Variants in CHRNA7 observed in about 807,000 individuals in gnomAD.
The protein encoded by CHRNA7 is cholinergic receptor nicotinic alpha 7 subunit.
CHRNA7 carries 17 observed loss-of-function variants against 48.0 expected under a neutral mutation model. The observed-to-expected ratio is 0.35, with a 90% confidence interval of 0.24 to 0.53. The LOEUF is 0.53. CHRNA7 is among the 20% of genes least tolerant of loss of function. CHRNA7 has a pLI of 0.92. For synonymous variants in CHRNA7, 75 were observed against 242.3 expected, an observed-to-expected ratio of 0.31 and a Z score of 6.41; for missense variants, 155 against 577.7, an observed-to-expected ratio of 0.27 and a Z score of 7.50.
Position 32,147,351 on chromosome 15 carries a change from A to G in CHRNA7, c.351-6556A>G, listed in dbSNP as rs2051510682. Among the ~76,000 whole-genome samples the G allele has an allele frequency of 1.3e-5, 2 of 152,202 alleles. 1 individual carries two copies. The highest frequency in any genetic ancestry group is 4.1e-4 in the South Asian group (2 of 4,836). On this transcript the variant is annotated intron_variant, in intron 4 of 9. Transcript: ENST00000306901. The stretch of plus-strand genomic sequence containing the variant: ...ACCCTAAACTTCTGCATCGCATGCG[A>G]TATACCCATGTGACAAACATGCACA...
chr15:32,103,864 C>T (rs555896325), intron 3 of CHRNA7, among the ~76,000 whole-genome samples: 2 of 152,316 alleles, frequency 1.3e-5, no homozygotes, highest in South Asian at 4.1e-4. Context: ...ACTCTTGTCT[C>T]GCACACCTCA....
At chr15:32,046,510 G>A (rs2049550072) in intron 2 of CHRNA7, among the ~76,000 whole-genome samples, 1 of 136,734 alleles carries the variant, frequency 7.3e-6, no homozygotes, top group South Asian at 2.3e-4. Context: ...ACTTTTTGAT[G>A]GGGTTGTTTG....
chr15:32,043,950 G>A (rs886852942), intron 2 of CHRNA7, among the ~76,000 whole-genome samples: 4 of 152,014 alleles, frequency 2.6e-5, no homozygotes, highest in South Asian at 4.1e-4. Flanking sequence ...TTGTGTTGCC[G>A]GTTAGTTACA....
At chr15:32,097,385 T>A (rs905186640) in intron 2 of CHRNA7, among the ~76,000 whole-genome samples, 14 of 152,104 alleles carry the variant, frequency 9.2e-5, no homozygotes, top group African/African-American at 3.4e-4. Flanking sequence ...AGGAGGTGAT[T>A]AGTCCATGAC....
In CHRNA7 at chr15:32,051,778, A is replaced by G. The variant is rs574083863; in HGVS notation, c.195+20741A>G. Among the ~76,000 whole-genome samples the G allele has an allele frequency of 2.3e-3, 355 of 152,110 alleles. 3 individuals carry two copies. In the Middle Eastern group the frequency reaches 0.024, roughly 10 times the overall value. ...GGAGCTGTAGACCGGAGCTGTTCCT[A>G]TTTGGCCATCTTGGCTCCTCCCCAA... On this transcript the variant is annotated intron_variant, in intron 2 of 9. Coordinates refer to ENST00000306901, the MANE Select transcript of CHRNA7 (RefSeq NM_000746.6).
chr15:32,139,994 A>G (rs993494565), intron 4 of CHRNA7, among the ~76,000 whole-genome samples: 1 of 152,106 alleles, frequency 6.6e-6, no homozygotes, highest in African/African-American at 2.4e-5. Context: ...CATTAGGTGT[A>G]CATGTGCCAT....
intron 2 of CHRNA7, among the ~76,000 whole-genome samples, chr15:32,041,737 T>G (rs968645517): frequency 1.3e-5 from 2 of 152,276 alleles, no homozygotes; most frequent in Non-Finnish European, 2.9e-5. Flanking sequence ...AAATTTCGAT[T>G]GATATTCCTC....
In CHRNA7 at chr15:32,114,903, G is replaced by A. The variant is rs533347578; in HGVS notation, c.350+3004G>A. ...GCTGAGGGGTACACTTCCACAGCGG[G>A]GCAGGTCTGGGCTGAGCTGGTGGGG... On this transcript the variant is annotated intron_variant, in intron 4 of 9. Coordinates refer to ENST00000306901, the MANE Select transcript of CHRNA7 (RefSeq NM_000746.6). 2.0e-5 allele frequency among the ~76,000 whole-genome samples: 3 copies of A among 152,340 alleles called. No homozygotes were observed. In the South Asian group the frequency reaches 6.2e-4, roughly 32 times the overall value.
chr15:32,089,401 C>A (rs989070541), intron 2 of CHRNA7, among the ~76,000 whole-genome samples: 1 of 152,134 alleles, frequency 6.6e-6, no homozygotes, highest in African/African-American at 2.4e-5. Context: ...CCAGGCTCCT[C>A]ATGAGGCCAT....
intron 2 of CHRNA7, among the ~76,000 whole-genome samples, chr15:32,051,961 G>A (rs1205331221): frequency 6.6e-6 from 1 of 152,188 alleles, no homozygotes; most frequent in Non-Finnish European, 1.5e-5. Flanking sequence ...GCAGGCATGA[G>A]CCACTGCACC....
chr15:32,065,693 G>A (rs1260835658), intron 2 of CHRNA7, among the ~76,000 whole-genome samples: 1 of 152,262 alleles, frequency 6.6e-6, no homozygotes, highest in Non-Finnish European at 1.5e-5. Flanking sequence ...GGAAGTGAAG[G>A]CTAAAGCAGG....
chr15:32,138,726 C>CTGTTTTGTTTTGTTT (rs1212817087), intron 4 of CHRNA7, among the ~76,000 whole-genome samples: 1 of 73,454 alleles, frequency 1.4e-5, no homozygotes, highest in Non-Finnish European at 2.9e-5. Flanking sequence ...AGCCATTGAC[C>CTGTTTTGTTTTGTTT]TGTTATGTTT....
intron 2 of CHRNA7, among the ~76,000 whole-genome samples, chr15:32,086,235 G>A (rs1006087799): frequency 6.6e-6 from 1 of 151,842 alleles, no homozygotes; most frequent in Non-Finnish European, 1.5e-5. Context: ...TGGGCCTGGT[G>A]GCAGGCGCCT....
rs1272944450 is a variant in CHRNA7 at position 32,169,034 on chromosome 15, A to T, written c.*576A>T. On this transcript the variant is annotated 3_prime_UTR_variant, in exon 10 of 10. Transcript: ENST00000306901. The stretch of plus-strand genomic sequence containing the variant: ...ACAGCTTGATGCTGTTTCTACATTA[A>T]AAAAAAAAAAAAAAGACAGACTGTT... 1 of 25,776 alleles carries T rather than the reference A, an allele frequency of 3.9e-5. No individual in the cohort carries two copies. The highest frequency in any genetic ancestry group is 2.4e-3 in the South Asian group (1 of 410). The allele number at this position is 25,776 out of a possible 1,614,324, so 1.6% of individuals were successfully genotyped here.
chr15:32,037,282 C>T (rs904881600), intron 2 of CHRNA7, among the ~76,000 whole-genome samples: 1 of 152,092 alleles, frequency 6.6e-6, no homozygotes, highest in Non-Finnish European at 1.5e-5. Flanking sequence ...TGTGTTTTGT[C>T]GATCTCTTTG....
intron 3 of CHRNA7, 24 bp downstream of exon 3, chr15:32,101,371 C>A: frequency 6.4e-7 from 1 of 1,572,888 alleles, no homozygotes; most frequent in South Asian, 1.2e-5. Flanking sequence ...ATGACAATCT[C>A]TCCCATGGGC....
intron 2 of CHRNA7, among the ~76,000 whole-genome samples, chr15:32,060,392 G>C (rs1370590078): frequency 1.3e-5 from 2 of 152,058 alleles, no homozygotes; most frequent in Admixed American, 1.3e-4. Context: ...ATTTATGAAG[G>C]CATATATAGA....
intron 4 of CHRNA7, among the ~76,000 whole-genome samples, chr15:32,137,040 A>ATAAAAAT (rs1477820506): frequency 2.3e-4 from 33 of 146,648 alleles, no homozygotes; most frequent in African/African-American, 8.6e-4. Context: ...TCAAAAAAAA[A>ATAAAAAT]AAAAAAGAAA....
chr15:32,106,573 T>C (rs1045006705), intron 3 of CHRNA7, among the ~76,000 whole-genome samples: 2 of 152,180 alleles, frequency 1.3e-5, no homozygotes, highest in African/African-American at 2.4e-5. Flanking sequence ...CAGCCAGTTT[T>C]CTCTGCAGAT....
Sources: gnomAD v4.1 joint callset for allele counts (sites outside exome capture counted in the v4.1 genomes callset) on GRCh38, gnomAD v4.1.1 for gene constraint, MANE v1.5 for transcripts, NCBI Gene and HGNC (gene_info 2026-07-23, HGNC 2026-07-21) for gene names.